Variants in HHAT observed in about 807,000 individuals in gnomAD.
The protein encoded by HHAT is hedgehog acyltransferase.
HHAT carries 47 observed loss-of-function variants against 70.8 expected under a neutral mutation model. The observed-to-expected ratio is 0.66, with a 90% CI of 0.53 to 0.85. The LOEUF (loss-of-function observed/expected upper bound fraction) is 0.85. Among genes scored for constraint, HHAT ranks in the 40% least tolerant of loss-of-function variants. The pLI, the probability that HHAT is intolerant of heterozygous loss-of-function variation, is 0.00. For synonymous variants in HHAT, 228 were observed against 247.6 expected (o/e 0.92, Z 0.74); for missense variants, 609 against 604.8 (o/e 1.01, Z -0.07).
chr1:210,601,599 A>T (rs1407373494), intron 10 of HHAT, among the ~76,000 whole-genome samples: 1 of 152,110 alleles, frequency 6.6e-6, no homozygotes, highest in Non-Finnish European at 1.5e-5. Context: ...AATTCTCAGC[A>T]CCTTATGTAG....
In HHAT at chr1:210,584,221, C is replaced by T. The variant is rs187512903; in HGVS notation, c.1044-3677C>T. Among the ~76,000 whole-genome samples the T allele has an allele frequency of 4.5e-4, 68 of 151,788 alleles. 2 individuals carry two copies. In the East Asian group the frequency reaches 9.0e-3, roughly 20 times the overall value. ...CTTCCCAAAGTGCTGGGATTACAGG[C>T]GTGAGCCACTGTCCCCAGCTGCAGC... is the stretch of plus-strand genomic sequence containing the variant. On this transcript the variant is annotated intron_variant, in intron 9 of 11. Transcript: ENST00000261458.
At chr1:210,407,129 G>A (rs1379754602) in intron 6 of HHAT, among the ~76,000 whole-genome samples, 1 of 152,104 alleles carries the variant, frequency 6.6e-6, no homozygotes, top group African/African-American at 2.4e-5. Flanking sequence ...GTGGGGAAGG[G>A]GGCTTTAAAG....
At chr1:210,477,206 C>T (rs778805213) in intron 8 of HHAT, among the ~76,000 whole-genome samples, 2 of 152,034 alleles carry the variant, frequency 1.3e-5, no homozygotes, top group Non-Finnish European at 2.9e-5. Context: ...CAGGGAAGCT[C>T]GACTTACAGG....
intron 7 of HHAT, among the ~76,000 whole-genome samples, chr1:210,433,202 T>C (rs1377383116): frequency 6.6e-6 from 1 of 151,788 alleles, no homozygotes. Flanking sequence ...GAGATGCGCC[T>C]ATACCACTGC....
rs2092007748 is a variant in HHAT at position 210,400,420 on chromosome 1, TC to T, written c.274-44del. 4.0e-6 allele frequency: 6 copies of T among 1,516,694 alleles called. No individual in the cohort carries two copies. In the South Asian group the frequency reaches 7.7e-5, roughly 20 times the overall value. 94.0% of individuals were successfully genotyped at this position (1,516,694 alleles called of 1,614,324 possible). A position where few individuals can be genotyped will look rare whatever the true frequency, so the allele number is the denominator to read the frequency against. On this transcript the variant is annotated intron_variant, in intron 4 of 11. Coordinates refer to ENST00000261458, the MANE Select transcript of HHAT (RefSeq NM_018194.6). ...GCTCACTTCTGTTTATTTTCCTCCCTCCCCTCTTCCTCCCTGTCTCTCTCTG... is the reference window on the plus strand; with the variant it reads ...GCTCACTTCTGTTTATTTTCCTCCCTCCCTCTTCCTCCCTGTCTCTCTCTG...
At position 210,418,241 on chromosome 1, in the gene HHAT, G is replaced by A. The variant is rs747743664; in HGVS notation, c.772G>A (p.Ala258Thr). The change falls in exon 7 of 12, where the codon GCC (alanine) becomes ACC (threonine). Residue 258 changes from alanine to threonine, a missense_variant. By Grantham distance (58) the Ala-to-Thr change is moderately conservative. Coordinates refer to ENST00000261458, the MANE Select transcript of HHAT (RefSeq NM_018194.6). Reference sequence around the variant, plus strand: ...CCGCCTTCTTTGCTGGTGGTGGCTGGCCGAGCTGATGGCTCACCTGATGTA... The same window carrying A: ...CCGCCTTCTTTGCTGGTGGTGGCTGACCGAGCTGATGGCTCACCTGATGTA... ...LGRLLCWWWL[A>T]ELMAHLMYMH... 1 of 1,613,996 alleles carries A rather than the reference G, an allele frequency of 6.2e-7. No individual in the cohort carries two copies. The highest frequency in any genetic ancestry group is 1.3e-5 in the African/African-American group (1 of 75,016).
intron 6 of HHAT, among the ~76,000 whole-genome samples, chr1:210,409,361 G>C (rs1572224409): frequency 6.6e-6 from 1 of 152,144 alleles, no homozygotes; most frequent in Non-Finnish European, 1.5e-5. Flanking sequence ...GGACATGAAG[G>C]TCTGGAGGCT....
At position 210,404,687 on chromosome 1, in the gene HHAT, C is replaced by T; in HGVS notation, c.684+8C>T. ...TCGGAGTTCATCAAACAGGTAGAGCCCGCTGGGGATGGGATTGGGATTCTA... is the reference window on the plus strand; with the variant it reads ...TCGGAGTTCATCAAACAGGTAGAGCTCGCTGGGGATGGGATTGGGATTCTA... On this transcript the variant is annotated splice_region_variant and intron_variant, in intron 6 of 11. Coordinates refer to ENST00000261458, the MANE Select transcript of HHAT (RefSeq NM_018194.6). 6.2e-7 allele frequency: 1 copy of T among 1,606,300 alleles called. No homozygotes were observed. Among genetic ancestry groups the T allele is most frequent in the Non-Finnish European group, 8.5e-7 (1 of 1,173,258 alleles).
intron 9 of HHAT, among the ~76,000 whole-genome samples, chr1:210,572,978 G>C (rs1164590212): frequency 3.3e-5 from 5 of 152,204 alleles, no homozygotes; most frequent in Admixed American, 3.3e-4. Flanking sequence ...TGGCAGCAGA[G>C]GGGTAGGGAA....
chr1:210,449,985 G>A (rs904897391), intron 7 of HHAT, among the ~76,000 whole-genome samples: 6 of 152,088 alleles, frequency 3.9e-5, no homozygotes, highest in Non-Finnish European at 5.9e-5. Flanking sequence ...TTAGCGATAC[G>A]TATTTGGGAT....
intron 9 of HHAT, among the ~76,000 whole-genome samples, chr1:210,561,727 G>C (rs1165686500): frequency 6.6e-6 from 1 of 152,222 alleles, no homozygotes; most frequent in Non-Finnish European, 1.5e-5. Flanking sequence ...ACATTGTGAA[G>C]TAATTGTCAA....
intron 11 of HHAT, among the ~76,000 whole-genome samples, chr1:210,634,963 A>G (rs1431830534): frequency 6.6e-6 from 1 of 152,230 alleles, no homozygotes; most frequent in Non-Finnish European, 1.5e-5. Flanking sequence ...TACAGAGAAT[A>G]CTGCTAGAAG....
chr1:210,606,909 T>A (rs1665566047), intron 10 of HHAT, among the ~76,000 whole-genome samples: 1 of 151,958 alleles, frequency 6.6e-6, no homozygotes, highest in Non-Finnish European at 1.5e-5. Context: ...ATGCATTCTG[T>A]TTTTTGCTCT....
chr1:210,579,441 C>T (rs1658689805), intron 9 of HHAT, among the ~76,000 whole-genome samples: 1 of 152,044 alleles, frequency 6.6e-6, no homozygotes, highest in Non-Finnish European at 1.5e-5. Flanking sequence ...AGCATTGTGC[C>T]TATAGTTAAC....
At chr1:210,575,596 G>A (rs2148749555) in intron 9 of HHAT, among the ~76,000 whole-genome samples, 1 of 152,248 alleles carries the variant, frequency 6.6e-6, no homozygotes, top group South Asian at 2.1e-4. Flanking sequence ...CCCCTTTCTG[G>A]TGTACACCTC....
At chr1:210,643,699 A>G (rs1022117053) in intron 11 of HHAT, among the ~76,000 whole-genome samples, 13 of 150,414 alleles carry the variant, frequency 8.6e-5, no homozygotes, top group Admixed American at 2.7e-4. Flanking sequence ...GTCTTTCAGT[A>G]GATTCATTTT....
chr1:210,588,007 C>T lies in HHAT; in HGVS notation c.1153C>T (p.Leu385Phe), dbSNP rs1253211468. 2 of 1,614,100 alleles carry T rather than the reference C, an allele frequency of 1.2e-6. No individual in the cohort carries two copies. The highest frequency in any genetic ancestry group is 1.1e-5 in the South Asian group (1 of 91,086). ...CTACTGGCATGGCGGCTACGACTAC[C>T]TCTGGTGCTGGGCAGCGCTCAACTG... ...VSYWHGGYDY[L>F]WCWAALNWLG... Residue 385 changes from leucine to phenylalanine, a missense_variant, in exon 10 of 12, where the codon CTC becomes TTC. Transcript: ENST00000261458.
intron 7 of HHAT, among the ~76,000 whole-genome samples, chr1:210,463,843 T>C (rs1000114686): frequency 6.6e-6 from 1 of 152,226 alleles, no homozygotes; most frequent in Admixed American, 6.5e-5. Context: ...ATTCTAGTTA[T>C]CCTAATGGGT....
At chr1:210,538,863 G>A (rs2095400910) in intron 9 of HHAT, among the ~76,000 whole-genome samples, 1 of 152,196 alleles carries the variant, frequency 6.6e-6, no homozygotes. Flanking sequence ...AATCACCTGA[G>A]ATCAGGAGTT....
Sources: gnomAD v4.1 joint callset for allele counts (sites outside exome capture counted in the v4.1 genomes callset) on GRCh38, gnomAD v4.1.1 for gene constraint, MANE v1.5 for transcripts, NCBI Gene and HGNC (gene_info 2026-07-23, HGNC 2026-07-21) for gene names.